PDGFC: variants seen among roughly 807,000 people sequenced by gnomAD.
PDGFC encodes the protein platelet-derived growth factor C.
PDGFC carries 12 observed loss-of-function variants against 35.5 expected under a neutral mutation model. That is an observed-to-expected ratio of 0.34 (90% CI 0.22 to 0.55). PDGFC has a LOEUF of 0.55. Ranked by LOEUF, PDGFC falls within the 20% of genes least tolerant of loss-of-function variation. The pLI is 0.91. For synonymous variants in PDGFC, 159 were observed against 148.8 expected, an observed-to-expected ratio of 1.07 and a Z score of -0.50; for missense variants, 322 against 412.4, an observed-to-expected ratio of 0.78 and a Z score of 1.90.
chr4:156,930,179 G>A (rs1315573389), intron 1 of PDGFC, among the ~76,000 whole-genome samples: 1 of 152,160 alleles, frequency 6.6e-6, no homozygotes, highest in Admixed American at 6.5e-5. Context: ...CTGCATTTAA[G>A]AGATTTTTGT....
intron 1 of PDGFC, among the ~76,000 whole-genome samples, chr4:156,911,854 A>T (rs1731047358): frequency 1.3e-5 from 2 of 152,300 alleles, no homozygotes; most frequent in East Asian, 3.9e-4. Flanking sequence ...GTTGGTAAGC[A>T]AAAGTTATAT....
At chr4:156,896,166 T>C (rs1398665298) in intron 1 of PDGFC, among the ~76,000 whole-genome samples, 2 of 152,122 alleles carry the variant, frequency 1.3e-5, no homozygotes, top group Non-Finnish European at 2.9e-5. Context: ...CAGAAACATA[T>C]AGAGTATAAT....
At chr4:156,965,845 C>A (rs1442862552) in intron 1 of PDGFC, among the ~76,000 whole-genome samples, 1 of 152,126 alleles carries the variant, frequency 6.6e-6, no homozygotes, top group African/African-American at 2.4e-5. Context: ...CCAATATGAA[C>A]TAAAATTGTC....
intron 1 of PDGFC, among the ~76,000 whole-genome samples, chr4:156,951,647 T>G (rs1732084799): frequency 6.6e-6 from 1 of 151,400 alleles, no homozygotes; most frequent in African/African-American, 2.4e-5. Context: ...GAGCCAGTCT[T>G]AATTTTGTGA....
At chr4:156,836,922 T>C (rs370132504) in intron 2 of PDGFC, among the ~76,000 whole-genome samples, 1 of 152,186 alleles carries the variant, frequency 6.6e-6, no homozygotes, top group Non-Finnish European at 1.5e-5. Flanking sequence ...TCTGCCTGTA[T>C]TATAAAAGCC....
At chr4:156,841,018 G>A (rs1000951983) in intron 2 of PDGFC, among the ~76,000 whole-genome samples, 1 of 152,052 alleles carries the variant, frequency 6.6e-6, no homozygotes, top group Non-Finnish European at 1.5e-5. Context: ...AGGCAGAAGG[G>A]ACTTGCCTTG....
At chr4:156,789,065 T>C (rs558072994) in intron 3 of PDGFC, among the ~76,000 whole-genome samples, 6 of 152,328 alleles carry the variant, frequency 3.9e-5, no homozygotes, top group African/African-American at 1.4e-4. Context: ...CTGTATCTAC[T>C]GGACAAAGCA....
intron 2 of PDGFC, among the ~76,000 whole-genome samples, chr4:156,836,242 TG>T (rs1300503616): frequency 1.3e-5 from 2 of 151,870 alleles, no homozygotes; most frequent in Non-Finnish European, 2.9e-5. Flanking sequence ...AGCCAGGGGG[TG>T]GGTGATATGA....
intron 1 of PDGFC, among the ~76,000 whole-genome samples, chr4:156,871,202 C>T (rs770803330): frequency 6.6e-6 from 1 of 151,912 alleles, no homozygotes; most frequent in Non-Finnish European, 1.5e-5. Context: ...ATGGGAAGTG[C>T]GCAAGAAACT....
At chr4:156,779,241 C>T (rs761449363) in intron 3 of PDGFC, 84 of 446,418 alleles carry the variant, frequency 1.9e-4, no homozygotes, top group Non-Finnish European at 3.4e-4. Context: ...CGAATTCATT[C>T]AAAAAGTTAT....
intron 2 of PDGFC, among the ~76,000 whole-genome samples, chr4:156,825,644 A>AAGAAGAGGAAGAAGAAGAAGAAGAAG (rs1732446520): frequency 8.6e-6 from 1 of 116,080 alleles, no homozygotes; most frequent in African/African-American, 3.7e-5. Flanking sequence ...AGAAGAAGAA[A>AAGAAGAGGAAGAAGAAGAAGAAGAAG]AGAAAGAAGG....
intron 2 of PDGFC, among the ~76,000 whole-genome samples, chr4:156,823,779 T>TTCCTTGTTCATTTCAGCAGTA (rs1732338791): frequency 6.6e-6 from 1 of 152,176 alleles, no homozygotes; most frequent in Non-Finnish European, 1.5e-5. Context: ...ATATCTGCAC[T>TTCCTTGTTCATTTCAGCAGTA]TCCTTGTTCA....
At chr4:156,879,725 T>C (rs916908578) in intron 1 of PDGFC, among the ~76,000 whole-genome samples, 1 of 152,218 alleles carries the variant, frequency 6.6e-6, no homozygotes, top group South Asian at 2.1e-4. Flanking sequence ...TAACATACTA[T>C]TGTTCCTTTC....
At chr4:156,858,143 G>A (rs1729627169) in intron 1 of PDGFC, among the ~76,000 whole-genome samples, 1 of 151,998 alleles carries the variant, frequency 6.6e-6, no homozygotes, top group Non-Finnish European at 1.5e-5. Flanking sequence ...TTCTGCCCTT[G>A]AAAATATCCC....
chr4:156,764,743 T>C (rs552764413), intron 5 of PDGFC, among the ~76,000 whole-genome samples: 2 of 152,314 alleles, frequency 1.3e-5, no homozygotes, highest in African/African-American at 2.4e-5. Flanking sequence ...ATGTTAGTAC[T>C]GATTTATTAT....
intron 1 of PDGFC, among the ~76,000 whole-genome samples, chr4:156,957,021 G>C (rs779453055): frequency 1.3e-5 from 2 of 151,780 alleles, no homozygotes; most frequent in African/African-American, 2.4e-5. Flanking sequence ...TCCCTCGCTT[G>C]GTCAAAAATT....
intron 2 of PDGFC, among the ~76,000 whole-genome samples, chr4:156,845,951 T>C (rs889658797): frequency 6.6e-6 from 1 of 150,874 alleles, no homozygotes; most frequent in African/African-American, 2.4e-5. Flanking sequence ...CAAAGCAAAA[T>C]GAAGAGGAGG....
At chr4:156,823,431 G>C (rs1387315289) in intron 2 of PDGFC, among the ~76,000 whole-genome samples, 1 of 152,148 alleles carries the variant, frequency 6.6e-6, no homozygotes, top group African/African-American at 2.4e-5. Flanking sequence ...AAGTTACTCA[G>C]TAAGTGATAG....
chr4:156,846,571 T>A (rs577495313), intron 2 of PDGFC, among the ~76,000 whole-genome samples: 1 of 151,902 alleles, frequency 6.6e-6, no homozygotes, highest in South Asian at 2.1e-4. Context: ...GCAATTATAA[T>A]GTTTTATTAG....
Sources: allele counts gnomAD v4.1 joint callset (sites outside exome capture counted in the v4.1 genomes callset), GRCh38; gene constraint gnomAD v4.1.1; transcripts MANE v1.5; gene names NCBI Gene and HGNC (gene_info 2026-07-23, HGNC 2026-07-21).